SEPTIN9: variants seen among roughly 807,000 people sequenced by gnomAD.
The protein encoded by SEPTIN9 is septin 9, also known as septin-9.
Under a neutral mutation model 56.6 loss-of-function variants are expected in SEPTIN9, and 13 were observed. That is an observed-to-expected ratio of 0.23 (90% CI 0.15 to 0.37). The LOEUF is 0.37. Among genes scored for constraint, SEPTIN9 ranks in the 10% least tolerant of loss-of-function variants. SEPTIN9 has a pLI of 1.00. For synonymous variants in SEPTIN9, 332 were observed against 334.1 expected (o/e 0.99, Z 0.07); for missense variants, 650 against 823.1 (o/e 0.79, Z 2.57).
chr17:77,424,701 A>G (rs2036835382), intron 3 of SEPTIN9, among the ~76,000 whole-genome samples: 1 of 152,208 alleles, frequency 6.6e-6, no homozygotes, highest in Admixed American at 6.5e-5. Context: ...TTGGCAAGCC[A>G]TTTTATGACT....
At chr17:77,463,202 A>G (rs571769567) in intron 3 of SEPTIN9, among the ~76,000 whole-genome samples, 1 of 152,286 alleles carries the variant, frequency 6.6e-6, no homozygotes, top group Admixed American at 6.5e-5. Flanking sequence ...TGGACCTGCC[A>G]TTTCTTAAAT....
At chr17:77,373,139 C>T in intron 2 of SEPTIN9, 1 of 994,604 alleles carries the variant, frequency 1.0e-6, no homozygotes, top group Non-Finnish European at 1.2e-6. Flanking sequence ...GAGGGGGGCG[C>T]TCCGGTCGTG....
At chr17:77,304,706 G>A (rs909035180) in intron 1 of SEPTIN9, among the ~76,000 whole-genome samples, 15 of 152,168 alleles carry the variant, frequency 9.9e-5, no homozygotes, top group African/African-American at 3.6e-4. Flanking sequence ...ACAGTGGGGT[G>A]TGCTAGATTT....
intron 10 of SEPTIN9, among the ~76,000 whole-genome samples, chr17:77,496,601 G>A (rs559418754): frequency 4.6e-5 from 7 of 152,350 alleles, no homozygotes; most frequent in East Asian, 3.9e-4. Context: ...CCACCAGCTC[G>A]AGCCCGAGGG....
At chr17:77,373,872 C>G in intron 2 of SEPTIN9, 1 of 317,724 alleles carries the variant, frequency 3.1e-6, no homozygotes, top group Non-Finnish European at 5.8e-6. Flanking sequence ...GCGACCTCCT[C>G]GAGGGCTCGC....
chr17:77,298,323 C>T (rs1239222553), intron 1 of SEPTIN9, among the ~76,000 whole-genome samples: 1 of 152,250 alleles, frequency 6.6e-6, no homozygotes, highest in African/African-American at 2.4e-5. Flanking sequence ...TCATAAGAGC[C>T]TGATAACCAG....
chr17:77,281,962 C>G (rs2031045676), intron 1 of SEPTIN9: 2 of 195,170 alleles, frequency 1.0e-5, no homozygotes, highest in Admixed American at 1.2e-4. Context: ...CCGCAGCATC[C>G]TTTCTTCGGA....
intron 1 of SEPTIN9, among the ~76,000 whole-genome samples, chr17:77,286,902 G>A (rs551347177): frequency 1.2e-4 from 18 of 152,344 alleles, no homozygotes; most frequent in Non-Finnish European, 1.9e-4. Context: ...GGGGTGAGGC[G>A]GGAAGTGACG....
intron 1 of SEPTIN9, among the ~76,000 whole-genome samples, chr17:77,286,004 T>G (rs2031259296): frequency 6.6e-6 from 1 of 152,198 alleles, no homozygotes; most frequent in African/African-American, 2.4e-5. Context: ...GGTTTCTTCC[T>G]CTTCTCCCCC....
intron 2 of SEPTIN9, among the ~76,000 whole-genome samples, chr17:77,382,002 ATT>A (rs1045394232): frequency 4.6e-5 from 7 of 151,848 alleles, no homozygotes; most frequent in Admixed American, 2.0e-4. Flanking sequence ...TTCTCTTGCC[ATT>A]TTCCTTTTCT....
chr17:77,498,947 C>A lies in SEPTIN9; in HGVS notation c.*289C>A. The A allele has an allele frequency of 1.8e-6, 1 of 556,880 alleles. No homozygotes were observed. The allele number at this position is 556,880 out of a possible 1,614,324, so 34.5% of individuals were successfully genotyped here. A position where few individuals can be genotyped will look rare whatever the true frequency, so the allele number is the denominator to read the frequency against. Reference sequence around the variant, plus strand: ...GTCCCCAGGCCTGGCTCCCCGAGGGCTCAGAAGAGCAGCTTCGGTGTGCAG... The same window carrying A: ...GTCCCCAGGCCTGGCTCCCCGAGGGATCAGAAGAGCAGCTTCGGTGTGCAG... On this transcript the variant is annotated 3_prime_UTR_variant, in exon 12 of 12. Coordinates refer to ENST00000427177, the MANE Select transcript of SEPTIN9 (RefSeq NM_001113491.2).
At chr17:77,398,398 G>A (rs1346743221) in intron 2 of SEPTIN9, among the ~76,000 whole-genome samples, 4 of 152,214 alleles carry the variant, frequency 2.6e-5, no homozygotes, top group Non-Finnish European at 5.9e-5. Flanking sequence ...CAGTCATGAC[G>A]TGGCCAGGAT....
chr17:77,337,467 TGTTA>T (rs2143739761), intron 2 of SEPTIN9, among the ~76,000 whole-genome samples: 2 of 152,326 alleles, frequency 1.3e-5, no homozygotes, highest in Non-Finnish European at 2.9e-5. Context: ...TTTCTTTGTT[TGTTA>T]GTTTGTTTCG....
At chr17:77,377,573 G>T (rs1157942473) in intron 2 of SEPTIN9, among the ~76,000 whole-genome samples, 1 of 152,018 alleles carries the variant, frequency 6.6e-6, no homozygotes, top group Non-Finnish European at 1.5e-5. Context: ...CTTCTCCCGA[G>T]CCCCCACTGT....
At chr17:77,408,098 C>T (rs562644876) in intron 3 of SEPTIN9, among the ~76,000 whole-genome samples, 1 of 152,144 alleles carries the variant, frequency 6.6e-6, no homozygotes, top group Non-Finnish European at 1.5e-5. Flanking sequence ...GGGATGCTCA[C>T]TGGGGGCAAG....
Position 77,352,483 on chromosome 17 carries a change from C to T in SEPTIN9, c.76+45286C>T, listed in dbSNP as rs202006401. Among the ~76,000 whole-genome samples, 44 of 152,258 alleles carry T rather than the reference C, an allele frequency of 2.9e-4. No homozygotes were observed. In the East Asian group the frequency reaches 6.4e-3, roughly 22 times the overall value. Reference sequence around the variant, plus strand: ...GTTTCTGGAGCCAGAAATCCCAGACCGAGGTGTCTGAAGGTTCATTCCTCC... The same window carrying T: ...GTTTCTGGAGCCAGAAATCCCAGACTGAGGTGTCTGAAGGTTCATTCCTCC... On this transcript the variant is annotated intron_variant, in intron 2 of 11. Coordinates refer to ENST00000427177, the MANE Select transcript of SEPTIN9 (RefSeq NM_001113491.2).
intron 2 of SEPTIN9, among the ~76,000 whole-genome samples, chr17:77,316,635 G>A (rs1028628111): frequency 6.6e-6 from 1 of 152,172 alleles, no homozygotes; most frequent in East Asian, 1.9e-4. Context: ...GCCTTCCTGG[G>A]CTTCCCTGCC....
At chr17:77,442,884 T>C (rs74709560) in intron 3 of SEPTIN9, among the ~76,000 whole-genome samples, 2 of 131,956 alleles carry the variant, frequency 1.5e-5, no homozygotes, top group Non-Finnish European at 1.7e-5. Context: ...AAAAAACAAA[T>C]AAAAAAAAAA....
intron 10 of SEPTIN9, 71 bp from the exon 11 acceptor site, chr17:77,497,244 G>T: frequency 1.4e-6 from 2 of 1,470,982 alleles, no homozygotes; most frequent in Non-Finnish European, 1.9e-6. Flanking sequence ...TTCTGGGCAG[G>T]GGGAGAGAGG....
Sources: gnomAD v4.1 joint callset for allele counts (sites outside exome capture counted in the v4.1 genomes callset) on GRCh38, gnomAD v4.1.1 for gene constraint, MANE v1.5 for transcripts, NCBI Gene and HGNC (gene_info 2026-07-23, HGNC 2026-07-21) for gene names.